Variants in PRMT1 observed in about 807,000 individuals in gnomAD.
The protein encoded by PRMT1 is protein arginine N-methyltransferase 1.
Under a neutral mutation model 47.4 loss-of-function variants are expected in PRMT1, and 5 were observed. That is an observed-to-expected ratio of 0.11 (90% confidence interval 0.06 to 0.22). PRMT1 has a LOEUF of 0.22. Ranked by LOEUF, PRMT1 falls within the 10% of genes least tolerant of loss-of-function variation. PRMT1 has a pLI of 1.00. For synonymous variants in PRMT1, 227 were observed against 204.6 expected (o/e 1.11, Z -0.94); for missense variants, 249 against 518.4 (o/e 0.48, Z 5.05).
At position 49,685,170 on chromosome 19, in the gene PRMT1, G is replaced by A; in HGVS notation, c.759+133G>A. 1 of 1,550,952 alleles carries A rather than the reference G, an allele frequency of 6.4e-7. No homozygotes were observed. Among genetic ancestry groups the A allele is most frequent in the East Asian group, 2.4e-5 (1 of 41,314 alleles). On this transcript the variant is annotated intron_variant, in intron 8 of 10. Coordinates refer to ENST00000454376, the MANE Select transcript of PRMT1 (RefSeq NM_001536.6). This position sits in a 1 kb window ranked among gnomAD's most constrained non-coding sequence, Gnocchi z 4.7. The stretch of plus-strand genomic sequence containing the variant: ...AGAGCCTGATCTGCCAGCCAGAGGT[G>A]GTGCTAGAGGCCCAGGAAAGACACT...
In PRMT1 at chr19:49,684,620, C is replaced by A; in HGVS notation, c.556-134C>A. On this transcript the variant is annotated intron_variant, in intron 6 of 10. Coordinates refer to ENST00000454376, the MANE Select transcript of PRMT1 (RefSeq NM_001536.6). This position sits in a 1 kb window ranked among gnomAD's most constrained non-coding sequence, Gnocchi z 6.2. ...CTCTGGCGGCCGTGTGGGAAATAGA[C>A]CAGGGGGCGAGGGGTGAGTGCCGCT... is the stretch of plus-strand genomic sequence containing the variant. The A allele has an allele frequency of 9.4e-7, 1 of 1,060,946 alleles. No individual in the cohort carries two copies. Among genetic ancestry groups the A allele is most frequent in the Non-Finnish European group, 1.4e-6 (1 of 730,430 alleles). The allele number at this position is 1,060,946 out of a possible 1,614,324, so 65.7% of individuals were successfully genotyped here.
Position 49,680,091 on chromosome 19 carries a change from C to G in PRMT1, c.90+166C>G, listed in dbSNP as rs549284345. On this transcript the variant is annotated intron_variant, in intron 2 of 10. Coordinates refer to ENST00000454376, the MANE Select transcript of PRMT1 (RefSeq NM_001536.6). This position sits in a 1 kb window ranked among gnomAD's most constrained non-coding sequence, Gnocchi z 4.2. ...GCAACCCCTCCAGGTTCACAGCCCC[C>G]GCTGGCCTCCCCCAGTATCGCCGCT... is the stretch of plus-strand genomic sequence containing the variant. 2 of 1,092,004 alleles carry G rather than the reference C, an allele frequency of 1.8e-6. No individual in the cohort carries two copies. The highest frequency in any genetic ancestry group is 1.4e-6 in the Non-Finnish European group (1 of 734,954). 67.6% of individuals were successfully genotyped at this position (1,092,004 alleles called of 1,614,324 possible).
intron 1 of PRMT1, chr19:49,677,524 G>T: frequency 2.4e-6 from 1 of 418,448 alleles, no homozygotes; most frequent in Non-Finnish European, 4.2e-6. Context: ...GCCTAGCGGA[G>T]GGTCTTATCC....
At chr19:49,677,793 T>G (rs1328043916) in intron 1 of PRMT1, among the ~76,000 whole-genome samples, 1 of 152,052 alleles carries the variant, frequency 6.6e-6, no homozygotes, top group Non-Finnish European at 1.5e-5. Context: ...CTCCACGATG[T>G]GGGGAGTCTC....
At position 49,684,564 on chromosome 19, in the gene PRMT1, C is replaced by T. The variant is rs2082175655; in HGVS notation, c.556-190C>T. On this transcript the variant is annotated intron_variant, in intron 6 of 10. Coordinates refer to ENST00000454376, the MANE Select transcript of PRMT1 (RefSeq NM_001536.6). The surrounding 1 kb of genome is among the most constrained non-coding windows in gnomAD (Gnocchi z 6.2). ...TGAGGATCCCCAGAACCTCCAAGGG[C>T]CGGGAGCTGACTGGGGTGCCCCTGG... is the stretch of plus-strand genomic sequence containing the variant. 6.6e-6 allele frequency among the ~76,000 whole-genome samples: 1 copy of T among 152,212 alleles called. No individual in the cohort carries two copies. The highest frequency in any genetic ancestry group is 6.5e-5 in the Admixed American group (1 of 15,288).
In PRMT1 at chr19:49,680,647, G is replaced by A; in HGVS notation, c.192+59G>A. ...AGGGGGGCTTAAATGTTGGGGAAGG[G>A]GTGGAACCTGTTTTCCCACGCATGC... On this transcript the variant is annotated intron_variant, in intron 3 of 10. Transcript: ENST00000454376. The surrounding 1 kb of genome is among the most constrained non-coding windows in gnomAD (Gnocchi z 4.2). 1 of 1,385,424 alleles carries A rather than the reference G, an allele frequency of 7.2e-7. No homozygotes were observed. The highest frequency in any genetic ancestry group is 1.2e-5 in the South Asian group (1 of 86,468). 85.8% of individuals were successfully genotyped at this position (1,385,424 alleles called of 1,614,324 possible).
Position 49,687,857 on chromosome 19 carries a change from C to A in PRMT1, c.1033-305C>A, listed in dbSNP as rs868584598. The A allele has an allele frequency of 3.2e-5, 15 of 472,088 alleles. No homozygotes were observed. In the East Asian group the frequency reaches 5.3e-4, roughly 17 times the overall value. The allele number at this position is 472,088 out of a possible 1,614,324, so 29.2% of individuals were successfully genotyped here. On this transcript the variant is annotated intron_variant, in intron 10 of 10. Coordinates refer to ENST00000454376, the MANE Select transcript of PRMT1 (RefSeq NM_001536.6). ...AGGAAGTGGGCTTGGGAGAGGTTTT[C>A]TTTTTTATGAAAGAAGCAATCACTG...
At position 49,684,458 on chromosome 19, in the gene PRMT1, G is replaced by GA. The variant is rs2082173819; in HGVS notation, c.556-295dup. Reference sequence around the variant, plus strand: ...CGGCAGCAGGAGGAGGAGTGGAGGTGAGGGGTGACAGGGCGTGTGCAGATT... The same window carrying GA: ...CGGCAGCAGGAGGAGGAGTGGAGGTGAAGGGGTGACAGGGCGTGTGCAGATT... On this transcript the variant is annotated intron_variant, in intron 6 of 10. Transcript: ENST00000454376. The surrounding 1 kb of genome is among the most constrained non-coding windows in gnomAD (Gnocchi z 6.2). Among the ~76,000 whole-genome samples, 1 of 152,138 alleles carries GA rather than the reference G, an allele frequency of 6.6e-6. No homozygotes were observed. The highest frequency in any genetic ancestry group is 1.5e-5 in the Non-Finnish European group (1 of 68,004).
upstream of PRMT1, chr19:49,677,235 A>G: frequency 1.4e-6 from 2 of 1,401,424 alleles, no homozygotes; most frequent in Non-Finnish European, 1.9e-6. Flanking sequence ...GAGTGAGGAG[A>G]AAGGGGGGGT....
chr19:49,685,484 T>G lies in PRMT1; in HGVS notation c.759+447T>G. Reference sequence around the variant, plus strand: ...GTGATCACATCACTGCACTCCAGCTTTGGTGACAATGTTTTGTTTTGTTTT... The same window carrying G: ...GTGATCACATCACTGCACTCCAGCTGTGGTGACAATGTTTTGTTTTGTTTT... On this transcript the variant is annotated intron_variant, in intron 8 of 10. Transcript: ENST00000454376. The surrounding 1 kb of genome is among the most constrained non-coding windows in gnomAD (Gnocchi z 4.7). The G allele has an allele frequency of 9.7e-7, 1 of 1,034,412 alleles. No homozygotes were observed. The highest frequency in any genetic ancestry group is 3.5e-5 in the South Asian group (1 of 28,614). 64.1% of individuals were successfully genotyped at this position (1,034,412 alleles called of 1,614,324 possible).
chr19:49,687,020 G>T (rs150672981), intron 10 of PRMT1, among the ~76,000 whole-genome samples: 5 of 152,088 alleles, frequency 3.3e-5, no homozygotes, highest in Non-Finnish European at 4.4e-5. Flanking sequence ...AGACAAGGGG[G>T]TCAGTGACAT....
In PRMT1 at chr19:49,688,164, GGACCTGGACTTCACCATC is replaced by G. The variant is rs780977438; in HGVS notation, c.1049_1066del (p.Thr350_Phe355del). The G allele has an allele frequency of 1.2e-6, 2 of 1,613,818 alleles. No individual in the cohort carries two copies. Among genetic ancestry groups the G allele is most frequent in the Non-Finnish European group, 1.7e-6 (2 of 1,179,904 alleles). On this transcript the variant is annotated inframe_deletion, in exon 11 of 11. Coordinates refer to ENST00000454376, the MANE Select transcript of PRMT1 (RefSeq NM_001536.6). The surrounding 1 kb of genome is among the most constrained non-coding windows in gnomAD (Gnocchi z 5.3). ...TCATGCCCCACCTCTCCCTGCAGCG[GGACCTGGACTTCACCATC>G]GACCTGGACTTCAAGGGCCAGCTGT...
Position 49,681,637 on chromosome 19 carries a change from C to T in PRMT1, c.193-273C>T, listed in dbSNP as rs1345621602. On this transcript the variant is annotated intron_variant, in intron 3 of 10. Transcript: ENST00000454376. The surrounding 1 kb of genome is among the most constrained non-coding windows in gnomAD (Gnocchi z 4.4). ...CCTATAATCTCAGCTACTTGGGAGGCTGAGGCAGGAGAATCACTTGAACCC... is the reference window on the plus strand; with the variant it reads ...CCTATAATCTCAGCTACTTGGGAGGTTGAGGCAGGAGAATCACTTGAACCC... Among the ~76,000 whole-genome samples, 1 of 151,980 alleles carries T rather than the reference C, an allele frequency of 6.6e-6. No individual in the cohort carries two copies. The highest frequency in any genetic ancestry group is 1.9e-4 in the East Asian group (1 of 5,170).
In PRMT1 at chr19:49,681,744, T is replaced by C. The variant is rs1218087052; in HGVS notation, c.193-166T>C. Among the ~76,000 whole-genome samples, 1 of 151,444 alleles carries C rather than the reference T, an allele frequency of 6.6e-6. No individual in the cohort carries two copies. Among genetic ancestry groups the C allele is most frequent in the Non-Finnish European group, 1.5e-5 (1 of 67,898 alleles). ...CAGAGTGAGATTCCATCTCAAAAAA[T>C]AAAATAAAATAAAAATAAATAAATG... On this transcript the variant is annotated intron_variant, in intron 3 of 10. Transcript: ENST00000454376. The surrounding 1 kb of genome is among the most constrained non-coding windows in gnomAD (Gnocchi z 4.4).
chr19:49,682,111 G>A (rs1272730176), intron 4 of PRMT1, 46 bp downstream of exon 4: 2 of 1,613,770 alleles, frequency 1.2e-6, no homozygotes, highest in East Asian at 4.5e-5. Flanking sequence ...GAGGGATGGA[G>A]GGGAGCCCAT....
In PRMT1 at chr19:49,684,122, A is replaced by G. The variant is rs1263234827; in HGVS notation, c.555+53A>G. On this transcript the variant is annotated intron_variant, in intron 6 of 10. Transcript: ENST00000454376. This position sits in a 1 kb window ranked among gnomAD's most constrained non-coding sequence, Gnocchi z 6.2. ...TCGCGTGGGCTGGGGTCCAGGTAGA[A>G]GACGAAAACCACGCTCAATTTTTCC... is the stretch of plus-strand genomic sequence containing the variant. The G allele has an allele frequency of 3.1e-6, 5 of 1,604,516 alleles. No individual in the cohort carries two copies. Among genetic ancestry groups the G allele is most frequent in the Non-Finnish European group, 4.3e-6 (5 of 1,173,542 alleles).
Position 49,681,123 on chromosome 19 carries a change from C to T in PRMT1, c.192+535C>T, listed in dbSNP as rs951318167. Reference sequence around the variant, plus strand: ...AGAGTGCATTGGTGCAATCATGGCTCACTGCAGCCTCGACCTCCCCGGCTC... The same window carrying T: ...AGAGTGCATTGGTGCAATCATGGCTTACTGCAGCCTCGACCTCCCCGGCTC... On this transcript the variant is annotated intron_variant, in intron 3 of 10. Coordinates refer to ENST00000454376, the MANE Select transcript of PRMT1 (RefSeq NM_001536.6). This position sits in a 1 kb window ranked among gnomAD's most constrained non-coding sequence, Gnocchi z 4.4. Among the ~76,000 whole-genome samples the T allele has an allele frequency of 1.2e-4, 18 of 152,200 alleles. No individual in the cohort carries two copies. The highest frequency in any genetic ancestry group is 1.2e-3 in the Admixed American group (18 of 15,282).
chr19:49,682,154 G>A (rs975380029), intron 4 of PRMT1, 42 bp from the exon 5 acceptor site: 2 of 1,613,162 alleles, frequency 1.2e-6, no homozygotes, highest in East Asian at 2.2e-5. Flanking sequence ...GGTGATGGGG[G>A]CAGGGGATGG....
At chr19:49,677,207 T>A, upstream of PRMT1, 2 of 1,350,022 alleles carry the variant, frequency 1.5e-6, no homozygotes, top group Middle Eastern at 2.0e-4. Flanking sequence ...GACCCTCTGG[T>A]ATAAGGCGGT....
Sources: allele counts gnomAD v4.1 joint callset (sites outside exome capture counted in the v4.1 genomes callset), GRCh38; gene constraint gnomAD v4.1.1; non-coding constraint Gnocchi (gnomAD v3.1); transcripts MANE v1.5; gene names NCBI Gene and HGNC (gene_info 2026-07-23, HGNC 2026-07-21).